The following KRABD5 variants were observed in gnomAD, a reference collection of about 807,000 sequenced individuals.
The protein encoded by KRABD5 is KRAB domain containing 5.
At chr16:31,724,311 T>G in the KRABD5 span, among the ~76,000 whole-genome samples, 1 of 152,170 alleles carries the variant, frequency 6.6e-6, no homozygotes, top group Non-Finnish European at 1.5e-5. Flanking sequence ...ATGTATACAT[T>G]GTGTATTGAT....
chr16:31,738,148 G>T, the KRABD5 span, among the ~76,000 whole-genome samples: 1 of 152,056 alleles, frequency 6.6e-6, no homozygotes, highest in African/African-American at 2.4e-5. Context: ...TGCCATATAT[G>T]GTTATGGATA....
At chr16:31,761,411 A>G in the KRABD5 span, 5 of 152,034 alleles carry the variant, frequency 3.3e-5, no homozygotes, top group African/African-American at 9.7e-5. Context: ...ATTCTAGTTC[A>G]CCGGTCCTCT....
At chr16:31,753,186 T>C in the KRABD5 span, among the ~76,000 whole-genome samples, 41 of 152,288 alleles carry the variant, frequency 2.7e-4, no homozygotes, top group Non-Finnish European at 4.4e-5. Flanking sequence ...GACTACTGTG[T>C]GTATTTTCCT....
At chr16:31,725,306 C>T in the KRABD5 span, among the ~76,000 whole-genome samples, 2 of 152,038 alleles carry the variant, frequency 1.3e-5, no homozygotes, top group South Asian at 2.1e-4. Flanking sequence ...TTAGTAGAGA[C>T]GGGGTTTCGC....
chr16:31,749,113 C>T, the KRABD5 span, among the ~76,000 whole-genome samples: 1 of 152,236 alleles, frequency 6.6e-6, no homozygotes. Context: ...TCGCTAGGGG[C>T]TCAGGCCCAG....
At chr16:31,747,262 T>C in the KRABD5 span, among the ~76,000 whole-genome samples, 41 of 151,794 alleles carry the variant, frequency 2.7e-4, no homozygotes, top group African/African-American at 9.9e-4. Flanking sequence ...GTCCTTGCGA[T>C]AGTTTGCTGA....
chr16:31,720,787 G>A, the KRABD5 span, among the ~76,000 whole-genome samples: 1 of 152,264 alleles, frequency 6.6e-6, no homozygotes, highest in Admixed American at 6.5e-5. Context: ...GATTTACTGA[G>A]TGATGCATGT....
At chr16:31,752,359 T>C in the KRABD5 span, among the ~76,000 whole-genome samples, 1 of 152,200 alleles carries the variant, frequency 6.6e-6, no homozygotes, top group Non-Finnish European at 1.5e-5. Flanking sequence ...AGGGATCTAA[T>C]GATGTCCATG....
At chr16:31,753,793 T>A in the KRABD5 span, 1 of 1,527,568 alleles carries the variant, frequency 6.5e-7, no homozygotes, top group South Asian at 1.3e-5. Flanking sequence ...ACTCAAGGCC[T>A]CTTAAGAAAG....
chr16:31,722,058 TTTTTTGTTTTTTGTTTTTTTG>T, the KRABD5 span, among the ~76,000 whole-genome samples: 1 of 115,146 alleles, frequency 8.7e-6, no homozygotes, highest in Non-Finnish European at 1.7e-5. Flanking sequence ...GATGCGTTAG[TTTTTTGTTTTTTGTTTTTTTG>T]TTTTTGTTTT....
At chr16:31,749,414 A>G in the KRABD5 span, among the ~76,000 whole-genome samples, 1 of 152,244 alleles carries the variant, frequency 6.6e-6, no homozygotes, top group South Asian at 2.1e-4. Context: ...AGTGCTGGCT[A>G]CTGCCCCTCT....
the KRABD5 span, among the ~76,000 whole-genome samples, chr16:31,749,915 A>G: frequency 3.9e-5 from 6 of 152,206 alleles, no homozygotes; most frequent in Admixed American, 3.9e-4. Flanking sequence ...TTTTTATGCC[A>G]GTACCATGCT....
At chr16:31,742,220 T>C in the KRABD5 span, among the ~76,000 whole-genome samples, 1 of 152,106 alleles carries the variant, frequency 6.6e-6, no homozygotes, top group African/African-American at 2.4e-5. Context: ...GGGGATACAT[T>C]TGCAGAACAT....
the KRABD5 span, among the ~76,000 whole-genome samples, chr16:31,720,508 C>T: frequency 6.6e-6 from 1 of 152,184 alleles, no homozygotes; most frequent in Admixed American, 6.5e-5. Flanking sequence ...TCAGCTCAGG[C>T]TTCTAAGTAG....
At chr16:31,740,682 G>A in the KRABD5 span, among the ~76,000 whole-genome samples, 1 of 151,030 alleles carries the variant, frequency 6.6e-6, no homozygotes, top group Non-Finnish European at 1.5e-5. Context: ...TAGTCCCAGT[G>A]ACTCAGGAGG....
the KRABD5 span, chr16:31,755,392 A>T: frequency 2.0e-6 from 1 of 500,976 alleles, no homozygotes; most frequent in South Asian, 1.5e-5. Flanking sequence ...ACATATGTAA[A>T]GAATGTGGCA....
At chr16:31,720,295 C>T in the KRABD5 span, among the ~76,000 whole-genome samples, 3 of 152,290 alleles carry the variant, frequency 2.0e-5, no homozygotes, top group African/African-American at 7.2e-5. Context: ...AAAGTATTTG[C>T]GTTGTGATTA....
the KRABD5 span, among the ~76,000 whole-genome samples, chr16:31,750,033 T>A: frequency 6.6e-6 from 1 of 152,168 alleles, no homozygotes; most frequent in Non-Finnish European, 1.5e-5. Context: ...TCTTACTTAG[T>A]TCCATATGAA....
chr16:31,714,765 C>T, the KRABD5 span, among the ~76,000 whole-genome samples: 4 of 152,086 alleles, frequency 2.6e-5, no homozygotes, highest in Non-Finnish European at 5.9e-5. Context: ...GGAGAAGCTG[C>T]AGAGTTCTGG....
Sources: gnomAD v4.1 joint callset for allele counts (sites outside exome capture counted in the v4.1 genomes callset) on GRCh38, gnomAD v4.1.1 for gene constraint, MANE v1.5 for transcripts, NCBI Gene and HGNC (gene_info 2026-07-23, HGNC 2026-07-21) for gene names.